SP1: variants seen among roughly 807,000 people sequenced by gnomAD.
SP1 encodes the protein transcription factor Sp1.
SP1 carries 6 observed loss-of-function variants against 66.3 expected under a neutral mutation model. That is an observed-to-expected ratio of 0.09 (90% CI 0.05 to 0.18). SP1 has a LOEUF of 0.18. Ranked by LOEUF, SP1 falls within the 10% of genes least tolerant of loss-of-function variation. The pLI is 1.00. For missense variants in SP1, 848 were observed against 964.5 expected (o/e 0.88, Z 1.60); for synonymous variants, 417 against 360.8 (o/e 1.16, Z -1.77).
intron 3 of SP1, among the ~76,000 whole-genome samples, chr12:53,406,267 C>G (rs1252954765): frequency 1.3e-5 from 2 of 151,878 alleles, no homozygotes; most frequent in East Asian, 1.9e-4. Context: ...CGGGATTTCT[C>G]CGTATTGGTC....
rs1010900554 is a variant in SP1 at position 53,411,576 on chromosome 12, C to G, written c.*336C>G. 8 of 185,346 alleles carry G rather than the reference C, an allele frequency of 4.3e-5. No individual in the cohort carries two copies. The highest frequency in any genetic ancestry group is 1.4e-4 in the African/African-American group (6 of 42,480). The allele number at this position is 185,346 out of a possible 1,614,324, so 11.5% of individuals were successfully genotyped here. ...GCTCTTCCATGATGGATTCCCCCCCCTTTCCTAAAGCCATCATGCCTTGAT... is the reference window on the plus strand; with the variant it reads ...GCTCTTCCATGATGGATTCCCCCCCGTTTCCTAAAGCCATCATGCCTTGAT... On this transcript the variant is annotated 3_prime_UTR_variant, in exon 6 of 6. Transcript: ENST00000327443.
intron 3 of SP1, among the ~76,000 whole-genome samples, chr12:53,395,036 T>G (rs532484376): frequency 1.3e-5 from 2 of 152,206 alleles, no homozygotes; most frequent in African/African-American, 4.8e-5. Context: ...TGGTGTCCCT[T>G]TGAAAGAATA....
At chr12:53,384,078 T>C (rs1592555725) in intron 3 of SP1, among the ~76,000 whole-genome samples, 1 of 150,950 alleles carries the variant, frequency 6.6e-6, no homozygotes, top group South Asian at 2.1e-4. Context: ...CACGCCATTC[T>C]CCTGCCTCAG....
chr12:53,380,422 G>A (rs1938056874), intron 1 of SP1, 124 bp downstream of exon 1: 22 of 851,930 alleles, frequency 2.6e-5, no homozygotes, highest in Non-Finnish European at 3.6e-5. Context: ...CGGCGGCCTA[G>A]GTCCCGCCCG....
chr12:53,392,347 A>ATTTT (rs574953864), intron 3 of SP1, among the ~76,000 whole-genome samples: 5 of 85,340 alleles, frequency 5.9e-5, no homozygotes, highest in African/African-American at 2.1e-4. Context: ...CACCTGGCTA[A>ATTTT]TTTTTTTTTT....
intron 3 of SP1, among the ~76,000 whole-genome samples, chr12:53,396,903 A>G (rs1318343126): frequency 6.6e-6 from 1 of 152,070 alleles, no homozygotes; most frequent in East Asian, 1.9e-4. Flanking sequence ...TGCTGGGATT[A>G]CAGGTGTGAG....
chr12:53,395,346 CA>C (rs1189375944), intron 3 of SP1, among the ~76,000 whole-genome samples: 1 of 151,748 alleles, frequency 6.6e-6, no homozygotes, highest in Non-Finnish European at 1.5e-5. Context: ...TCTCAAAAAA[CA>C]AAAGAATATT....
At chr12:53,406,392 T>C (rs1051932989) in intron 3 of SP1, among the ~76,000 whole-genome samples, 193 bp from the exon 4 acceptor site, 26 of 152,080 alleles carry the variant, frequency 1.7e-4, no homozygotes, top group Admixed American at 6.6e-4. Context: ...TCAATGATGA[T>C]TCTTGAGATT....
intron 3 of SP1, among the ~76,000 whole-genome samples, chr12:53,386,799 A>G (rs1938239288): frequency 6.6e-6 from 1 of 151,672 alleles, no homozygotes; most frequent in Non-Finnish European, 1.5e-5. Context: ...TGACTTTATC[A>G]TTTTAAATTC....
chr12:53,415,639 G>GA lies in SP1; in HGVS notation c.*4416dup, dbSNP rs534047310. ...CCTAAGTCCTAGCTAAGTATCAGGG[G>GA]AAAAAAAAAAAAAAAAAGCCTAACA... On this transcript the variant is annotated 3_prime_UTR_variant, in exon 6 of 6. Transcript: ENST00000327443. 0.02 allele frequency: 2,136 copies of GA among 107,216 alleles called. 31 individuals carry two copies. The highest frequency in any genetic ancestry group is 0.027 in the African/African-American group (789 of 29,400). 6.6% of individuals were successfully genotyped at this position (107,216 alleles called of 1,614,324 possible). A position where few individuals can be genotyped will look rare whatever the true frequency, so the allele number is the denominator to read the frequency against.
At position 53,382,486 on chromosome 12, in the gene SP1, A is replaced by G; in HGVS notation, c.539A>G (p.Gln180Arg). 1 of 1,614,208 alleles carries G rather than the reference A, an allele frequency of 6.2e-7. No homozygotes were observed. Among genetic ancestry groups the G allele is most frequent in the Non-Finnish European group, 8.5e-7 (1 of 1,180,040 alleles). Reference sequence around the variant, plus strand: ...CAGTATCAAGTAATCCCACAGTTCCAGACCGTTGATGGGCAACAGCTGCAG... The same window carrying G: ...CAGTATCAAGTAATCCCACAGTTCCGGACCGTTGATGGGCAACAGCTGCAG... ...NIQYQVIPQFQTVDGQQLQFA... is the reference protein window; with the variant it reads ...NIQYQVIPQFRTVDGQQLQFA... The change falls in exon 3 of 6, where the codon CAG (glutamine) becomes CGG (arginine). Residue 180 changes from glutamine (Q) to arginine (R), a missense_variant. By Grantham distance (43) the Gln-to-Arg change is conservative. Around this residue, in one of 7 missense-constraint regions of SP1, gnomAD observed 606 missense variants for 589.9 expected, o/e 1.03. Coordinates refer to ENST00000327443, the MANE Select transcript of SP1 (RefSeq NM_138473.3).
At chr12:53,393,135 A>G (rs1938394995) in intron 3 of SP1, among the ~76,000 whole-genome samples, 2 of 152,076 alleles carry the variant, frequency 1.3e-5, no homozygotes, top group Non-Finnish European at 2.9e-5. Flanking sequence ...AAGGAGTTTT[A>G]AAATATAAAA....
chr12:53,382,609 G>A lies in SP1; in HGVS notation c.662G>A (p.Gly221Glu), dbSNP rs1449892451. 2.5e-6 allele frequency: 4 copies of A among 1,614,130 alleles called. No individual in the cohort carries two copies. Among genetic ancestry groups the A allele is most frequent in the Non-Finnish European group, 3.4e-6 (4 of 1,180,030 alleles). The change falls in exon 3 of 6, where the codon GGA (glycine) becomes GAA (glutamate). Residue 221 changes from glycine to glutamate, a missense_variant. Gly to Glu is a moderately conservative substitution (Grantham distance 98). This residue lies in a region of SP1 where 606 missense variants were observed against 589.9 expected (regional missense o/e 1.03). Transcript: ENST00000327443. ...CAGATTATCACAAATCGAGGAAGTGGAGGCAACATCATTGCTGCTATGCCA... is the reference window on the plus strand; with the variant it reads ...CAGATTATCACAAATCGAGGAAGTGAAGGCAACATCATTGCTGCTATGCCA... ...NQQIITNRGS[G>E]GNIIAAMPNL...
In SP1 at chr12:53,381,694, G is replaced by A; in HGVS notation, c.43G>A (p.Val15Met). The A allele has an allele frequency of 2.5e-6, 4 of 1,613,752 alleles. No individual in the cohort carries two copies. Among genetic ancestry groups the A allele is most frequent in the Non-Finnish European group, 3.4e-6 (4 of 1,179,874 alleles). The change falls in exon 2 of 6, where the codon GTG becomes ATG. Residue 15 changes from valine to methionine, a missense_variant. Val to Met is a conservative substitution (Grantham distance 21). This residue lies in a region of SP1 where 84 missense variants were observed against 73.9 expected (regional missense o/e 1.14). Transcript: ENST00000327443. ...DHSMDEMTAVVKIEKGVGGNN... is the reference protein window; with the variant it reads ...DHSMDEMTAVMKIEKGVGGNN... The stretch of plus-strand genomic sequence containing the variant: ...CTCCATGGATGAAATGACAGCTGTG[G>A]TGAAAATTGAAAAAGGAGTTGGTGG...
intron 3 of SP1, among the ~76,000 whole-genome samples, chr12:53,391,470 G>T (rs530427991): frequency 6.7e-6 from 1 of 150,300 alleles, no homozygotes; most frequent in African/African-American, 2.4e-5. Flanking sequence ...GACTACAGGC[G>T]TGTGCCACCA....
At chr12:53,389,029 T>G (rs1480214969) in intron 3 of SP1, among the ~76,000 whole-genome samples, 1 of 151,996 alleles carries the variant, frequency 6.6e-6, no homozygotes, top group Non-Finnish European at 1.5e-5. Flanking sequence ...TATTTTACTG[T>G]AAAATTTAAC....
intron 2 of SP1, 21 bp downstream of exon 2, chr12:53,381,834 G>A: frequency 6.2e-7 from 1 of 1,602,338 alleles, no homozygotes; most frequent in Admixed American, 1.8e-5. Context: ...ATCATAGAGT[G>A]GGGAAGGTGT....
At position 53,381,753 on chromosome 12, in the gene SP1, C is replaced by T. The variant is rs748125364; in HGVS notation, c.102C>T (p.Ala34=). ...GGGGCAATGGTAATGGTGGTGGTGCCTTTTCACAGGCTCGAAGTAGCAGCA... is the reference window on the plus strand; with the variant it reads ...GGGGCAATGGTAATGGTGGTGGTGCTTTTTCACAGGCTCGAAGTAGCAGCA... ...NNGGNGNGGG[A]FSQARSSSTG... is the part of the protein sequence containing the mutation. Residue 34 remains alanine, a synonymous_variant, in exon 2 of 6, where the codon GCC becomes GCT. Transcript: ENST00000327443. The T allele has an allele frequency of 5.6e-6, 9 of 1,613,964 alleles. No homozygotes were observed. The Admixed American group carries it at 1.3e-4, about 24-fold the overall frequency.
At chr12:53,409,236 A>G in intron 4 of SP1, 126 bp from the exon 5 acceptor site, 4 of 771,600 alleles carry the variant, frequency 5.2e-6, no homozygotes, top group Non-Finnish European at 4.2e-6. Flanking sequence ...AAAACAAAAA[A>G]GAAGACTTTT....
Sources: gnomAD v4.1 joint callset for allele counts (sites outside exome capture counted in the v4.1 genomes callset) on GRCh38, gnomAD v4.1.1 for gene constraint, gnomAD v4.1.1 regional missense constraint, MANE v1.5 for transcripts, NCBI Gene and HGNC (gene_info 2026-07-23, HGNC 2026-07-21) for gene names.